EDIL3: variants seen among roughly 807,000 people sequenced by gnomAD.
EDIL3 encodes the protein EGF-like repeat and discoidin I-like domain-containing protein 3.
Under a neutral mutation model 67.4 loss-of-function variants are expected in EDIL3, and 37 were observed. The observed-to-expected ratio is 0.55, with a 90% CI of 0.42 to 0.72. The LOEUF (loss-of-function observed/expected upper bound fraction) is 0.72. Ranked by LOEUF, EDIL3 falls within the 30% of genes least tolerant of loss-of-function variation. The pLI, the probability that EDIL3 is intolerant of heterozygous loss-of-function variation, is 0.00. For missense variants in EDIL3, 527 were observed against 586.3 expected, an observed-to-expected ratio of 0.90 and a Z score of 1.04; for synonymous variants, 195 against 196.3, an observed-to-expected ratio of 0.99 and a Z score of 0.05.
intron 1 of EDIL3, among the ~76,000 whole-genome samples, chr5:84,280,360 G>C (rs939159283): frequency 2.6e-5 from 4 of 152,026 alleles, no homozygotes; most frequent in African/African-American, 9.7e-5. Flanking sequence ...TATTTTACTA[G>C]TATATTCTAA....
intron 3 of EDIL3, among the ~76,000 whole-genome samples, chr5:84,218,741 C>T (rs1238001679): frequency 2.0e-5 from 3 of 152,180 alleles, no homozygotes; most frequent in Non-Finnish European, 2.9e-5. Context: ...CTCAAGGGCC[C>T]TGGGGCCTCG....
chr5:84,078,853 T>G (rs909047828), intron 6 of EDIL3: 2 of 152,174 alleles, frequency 1.3e-5, no homozygotes, highest in African/African-American at 4.8e-5. Flanking sequence ...ATTTTTTGGG[T>G]GATAGAAACC....
At chr5:84,271,744 A>G (rs1010549038) in intron 1 of EDIL3, among the ~76,000 whole-genome samples, 1 of 152,176 alleles carries the variant, frequency 6.6e-6, no homozygotes, top group South Asian at 2.1e-4. Context: ...ACAATCCAAT[A>G]CCATTAGGAA....
chr5:84,192,155 GA>G (rs1743603884), intron 3 of EDIL3, among the ~76,000 whole-genome samples: 2 of 152,022 alleles, frequency 1.3e-5, no homozygotes, highest in East Asian at 1.9e-4. Context: ...AAAATCATAA[GA>G]TTTTTTTACC....
At chr5:84,210,045 TAAC>T (rs1482151520) in intron 3 of EDIL3, among the ~76,000 whole-genome samples, 8 of 152,208 alleles carry the variant, frequency 5.3e-5, no homozygotes, top group African/African-American at 1.4e-4. Context: ...TATATTCACT[TAAC>T]AACAAGTTTT....
intron 2 of EDIL3, among the ~76,000 whole-genome samples, chr5:84,249,356 A>G (rs1008709517): frequency 6.6e-6 from 1 of 151,744 alleles, no homozygotes; most frequent in Non-Finnish European, 1.5e-5. Context: ...TACTTGTATC[A>G]CAACACATAA....
chr5:84,219,220 A>G (rs1253206973), intron 3 of EDIL3, among the ~76,000 whole-genome samples: 1 of 152,208 alleles, frequency 6.6e-6, no homozygotes, highest in Non-Finnish European at 1.5e-5. Flanking sequence ...ATTCTTCTGC[A>G]TATTATCCAA....
At chr5:84,061,030 T>C (rs1293310147) in intron 8 of EDIL3, among the ~76,000 whole-genome samples, 2 of 152,186 alleles carry the variant, frequency 1.3e-5, no homozygotes, top group Non-Finnish European at 2.9e-5. Context: ...CTGATTCTTA[T>C]AGCACCAACA....
chr5:84,134,077 A>T (rs897926854), intron 5 of EDIL3, among the ~76,000 whole-genome samples: 1 of 152,096 alleles, frequency 6.6e-6, no homozygotes, highest in African/African-American at 2.4e-5. Context: ...TTTACCATGT[A>T]ATTTTGCAAC....
At chr5:84,160,475 CTTTAT>C (rs558355833) in intron 4 of EDIL3, among the ~76,000 whole-genome samples, 177 of 152,122 alleles carry the variant, frequency 1.2e-3, no homozygotes, top group African/African-American at 3.4e-3. Context: ...TATTTTAATA[CTTTAT>C]TTTATTTTAT....
chr5:83,952,140 T>C (rs1031752539), intron 10 of EDIL3, among the ~76,000 whole-genome samples: 8 of 151,802 alleles, frequency 5.3e-5, no homozygotes, highest in South Asian at 2.1e-4. Context: ...AAGAAGTTCA[T>C]GTTACCTTTT....
chr5:84,138,961 C>T (rs1208642084), intron 4 of EDIL3, among the ~76,000 whole-genome samples: 11 of 152,112 alleles, frequency 7.2e-5, no homozygotes, highest in East Asian at 3.9e-4. Context: ...TAGACTCAGC[C>T]GGGCGTGGTG....
intron 6 of EDIL3, among the ~76,000 whole-genome samples, chr5:84,074,306 A>C (rs1746807594): frequency 1.3e-5 from 2 of 151,478 alleles, no homozygotes; most frequent in South Asian, 4.2e-4. Flanking sequence ...TTCATGTCTA[A>C]AACACCAAAA....
intron 6 of EDIL3, among the ~76,000 whole-genome samples, chr5:84,103,231 A>C (rs1203645337): frequency 6.6e-6 from 1 of 152,124 alleles, no homozygotes; most frequent in African/African-American, 2.4e-5. Flanking sequence ...AGATGGATTA[A>C]AGACTTAAAT....
chr5:84,148,984 A>G (rs570275854), intron 4 of EDIL3, among the ~76,000 whole-genome samples: 1 of 151,834 alleles, frequency 6.6e-6, no homozygotes, highest in Middle Eastern at 3.2e-3. Flanking sequence ...AAAAAAAAAA[A>G]AAAAAAACCT....
chr5:84,369,376 T>C (rs531811452), intron 1 of EDIL3, among the ~76,000 whole-genome samples: 1 of 152,140 alleles, frequency 6.6e-6, no homozygotes, highest in East Asian at 1.9e-4. Flanking sequence ...TACATACATA[T>C]ATAAACAAAG....
intron 4 of EDIL3, among the ~76,000 whole-genome samples, chr5:84,168,595 G>A (rs1448863895): frequency 6.6e-6 from 1 of 151,946 alleles, no homozygotes; most frequent in African/African-American, 2.4e-5. Context: ...TAAAAAGTGA[G>A]GTAAAAAGAG....
At chr5:84,161,742 T>C (rs1487170823) in intron 4 of EDIL3, among the ~76,000 whole-genome samples, 1 of 152,002 alleles carries the variant, frequency 6.6e-6, no homozygotes, top group Non-Finnish European at 1.5e-5. Context: ...CCTGGGAAAA[T>C]TGCAGTGGAG....
At chr5:84,240,603 G>A (rs993794815) in intron 2 of EDIL3, among the ~76,000 whole-genome samples, 1 of 152,048 alleles carries the variant, frequency 6.6e-6, no homozygotes, top group African/African-American at 2.4e-5. Context: ...GGTTATCTAG[G>A]GTGTGGCCTC....
Sources: gnomAD v4.1 joint callset for allele counts (sites outside exome capture counted in the v4.1 genomes callset) on GRCh38, gnomAD v4.1.1 for gene constraint, MANE v1.5 for transcripts, NCBI Gene and HGNC (gene_info 2026-07-23, HGNC 2026-07-21) for gene names.